SHISA9: variants seen among roughly 807,000 people sequenced by gnomAD.
SHISA9 encodes shisa family member 9, also known as protein shisa-9.
SHISA9 carries 13 observed loss-of-function variants against 38.0 expected under a neutral mutation model. The ratio of observed to expected loss-of-function variants is 0.34; its 90% CI spans 0.22 to 0.54. The LOEUF is 0.54. SHISA9 is among the 20% of genes least tolerant of loss of function. SHISA9 has a pLI of 0.91. For synonymous variants in SHISA9, 275 were observed against 242.0 expected, an observed-to-expected ratio of 1.14 and a Z score of -1.27; for missense variants, 538 against 575.8, an observed-to-expected ratio of 0.93 and a Z score of 0.67.
chr16:13,490,888 G>A, the SHISA9 span, among the ~76,000 whole-genome samples: 1 of 152,170 alleles, frequency 6.6e-6, no homozygotes, highest in Non-Finnish European at 1.5e-5. Flanking sequence ...CACTATTTGG[G>A]AGAGGGAAAT....
intron 2 of SHISA9, among the ~76,000 whole-genome samples, chr16:13,185,041 C>T (rs1361627744): frequency 6.6e-6 from 1 of 152,182 alleles, no homozygotes; most frequent in African/African-American, 2.4e-5. Context: ...TTACCAACAG[C>T]AAGGTGCAAG....
the SHISA9 span, among the ~76,000 whole-genome samples, chr16:13,503,767 G>A: frequency 2.0e-5 from 3 of 152,068 alleles, no homozygotes; most frequent in African/African-American, 7.2e-5. Flanking sequence ...AAGATTTTAA[G>A]GCGTGGATGT....
At chr16:13,449,567 G>A in the SHISA9 span, among the ~76,000 whole-genome samples, 10 of 152,256 alleles carry the variant, frequency 6.6e-5, no homozygotes, top group African/African-American at 1.9e-4. Context: ...CCACTGGATT[G>A]TACCATCAAT....
intron 2 of SHISA9, among the ~76,000 whole-genome samples, chr16:13,159,175 A>G (rs577237863): frequency 1.8e-4 from 28 of 152,326 alleles, no homozygotes; most frequent in African/African-American, 6.7e-4. Context: ...CTTCTGTACA[A>G]TCTGGAAAAC....
chr16:13,155,862 T>C (rs1282079708), intron 2 of SHISA9, among the ~76,000 whole-genome samples: 1 of 152,148 alleles, frequency 6.6e-6, no homozygotes, highest in Non-Finnish European at 1.5e-5. Context: ...TCTGCTTTTT[T>C]TTCTTCCCTC....
At chr16:13,461,766 A>C in the SHISA9 span, among the ~76,000 whole-genome samples, 4 of 150,650 alleles carry the variant, frequency 2.7e-5, no homozygotes, top group East Asian at 8.2e-4. Flanking sequence ...GGCGCCCGCC[A>C]CCACGCCCAG....
At chr16:13,058,535 C>A (rs1035371564) in intron 2 of SHISA9, among the ~76,000 whole-genome samples, 1 of 152,120 alleles carries the variant, frequency 6.6e-6, no homozygotes, top group Non-Finnish European at 1.5e-5. Context: ...AAAGTGAGGC[C>A]TAGGGAGGAA....
the SHISA9 span, among the ~76,000 whole-genome samples, chr16:13,468,054 G>A: frequency 6.6e-6 from 1 of 152,144 alleles, no homozygotes; most frequent in Non-Finnish European, 1.5e-5. Context: ...TAGACTGAGA[G>A]GGTTTTATTC....
At chr16:13,246,971 A>G in the SHISA9 span, among the ~76,000 whole-genome samples, 1 of 149,984 alleles carries the variant, frequency 6.7e-6, no homozygotes, top group Non-Finnish European at 1.5e-5. Flanking sequence ...AAAGATATAT[A>G]GTAAATATAT....
chr16:13,074,094 C>A (rs920599329), intron 2 of SHISA9, among the ~76,000 whole-genome samples: 1 of 151,758 alleles, frequency 6.6e-6, no homozygotes, highest in African/African-American at 2.4e-5. Flanking sequence ...CTCAGCCTCC[C>A]GAGTAGCTGG....
intron 2 of SHISA9, among the ~76,000 whole-genome samples, chr16:13,009,435 A>T (rs954343196): frequency 1.3e-5 from 2 of 151,938 alleles, no homozygotes; most frequent in Non-Finnish European, 2.9e-5. Flanking sequence ...AGGCTTCTTG[A>T]TTTTCAGGAA....
At chr16:13,523,617 G>A in the SHISA9 span, among the ~76,000 whole-genome samples, 1 of 152,168 alleles carries the variant, frequency 6.6e-6, no homozygotes, top group Non-Finnish European at 1.5e-5. Context: ...GCAAACAAGA[G>A]CGATGGGGGA....
At chr16:12,990,321 A>G (rs1384563855) in intron 2 of SHISA9, among the ~76,000 whole-genome samples, 1 of 152,170 alleles carries the variant, frequency 6.6e-6, no homozygotes, top group Non-Finnish European at 1.5e-5. Flanking sequence ...GCTGGGCCAA[A>G]TGGTATTTCT....
At position 13,239,132 on chromosome 16, in the gene SHISA9, C is replaced by G. The variant is rs1341447401; in HGVS notation, c.*3723C>G. The G allele has an allele frequency of 6.7e-6, 1 of 149,148 alleles. No individual in the cohort carries two copies. The highest frequency in any genetic ancestry group is 1.5e-5 in the Non-Finnish European group (1 of 67,856). The allele number at this position is 149,148 out of a possible 1,614,324, so 9.2% of individuals were successfully genotyped here. ...ATAGTTTACTGAGAATGATGATTTC[C>G]AATTTCATCCATGTCCCTACAAAGG... is the stretch of plus-strand genomic sequence containing the variant. On this transcript the variant is annotated 3_prime_UTR_variant, in exon 5 of 5. Coordinates refer to ENST00000558583, the MANE Select transcript of SHISA9 (RefSeq NM_001145204.3).
intron 2 of SHISA9, among the ~76,000 whole-genome samples, chr16:13,046,676 A>G (rs1332905384): frequency 6.6e-6 from 1 of 152,214 alleles, no homozygotes; most frequent in African/African-American, 2.4e-5. Flanking sequence ...ATTCCTAACC[A>G]TAGTCCCCTG....
chr16:12,934,325 A>G (rs1490835786), intron 2 of SHISA9, among the ~76,000 whole-genome samples: 1 of 152,186 alleles, frequency 6.6e-6, no homozygotes, highest in Non-Finnish European at 1.5e-5. Context: ...CCATCCAATA[A>G]TGCTTCCCAG....
At chr16:13,057,017 GC>G (rs2073318699) in intron 2 of SHISA9, among the ~76,000 whole-genome samples, 1 of 152,102 alleles carries the variant, frequency 6.6e-6, no homozygotes, top group Non-Finnish European at 1.5e-5. Flanking sequence ...AGTATGGGGC[GC>G]CCCCGATCCA....
At chr16:13,035,532 T>A (rs990956026) in intron 2 of SHISA9, among the ~76,000 whole-genome samples, 2 of 70,514 alleles carry the variant, frequency 2.8e-5, no homozygotes, top group Admixed American at 1.3e-4. Context: ...CCTGTAATTT[T>A]CAGCTTTTTT....
At chr16:12,971,207 G>T (rs900187835) in intron 2 of SHISA9, among the ~76,000 whole-genome samples, 5 of 152,212 alleles carry the variant, frequency 3.3e-5, no homozygotes, top group Admixed American at 2.0e-4. Context: ...GACACCTGCT[G>T]CCCTTATCCC....
Sources: allele counts gnomAD v4.1 joint callset (sites outside exome capture counted in the v4.1 genomes callset), GRCh38; gene constraint gnomAD v4.1.1; transcripts MANE v1.5; gene names NCBI Gene and HGNC (gene_info 2026-07-23, HGNC 2026-07-21).